MGAT4D: variants seen among roughly 807,000 people sequenced by gnomAD.
MGAT4D encodes the protein alpha-1,3-mannosyl-glycoprotein 4-beta-N-acetylglucosaminyltransferase-like protein MGAT4D.
Under a neutral mutation model 15.9 loss-of-function variants are expected in MGAT4D, and 34 were observed. The observed-to-expected ratio is 2.14, with a 90% CI of 1.62 to 2.84. MGAT4D has a LOEUF of 2.84. Among genes scored for constraint, MGAT4D ranks in the 30% most tolerant of loss-of-function variants. The probability of loss-of-function intolerance (pLI) is 0.00; values close to 1 mark genes in which losing one functional copy is unlikely to be tolerated. For missense variants in MGAT4D, 327 were observed against 140.2 expected, an observed-to-expected ratio of 2.33 and a Z score of -6.73; for synonymous variants, 112 against 48.2, an observed-to-expected ratio of 2.33 and a Z score of -5.49.
At chr4:140,491,525 G>A (rs1014445646) in intron 1 of MGAT4D, among the ~76,000 whole-genome samples, 21 of 152,042 alleles carry the variant, frequency 1.4e-4, no homozygotes, top group African/African-American at 5.1e-4. Context: ...GGGAACATAT[G>A]AAGTAGCCTG....
At chr4:140,471,741 T>C in intron 5 of MGAT4D, 34 bp downstream of exon 5, 1 of 415,158 alleles carries the variant, frequency 2.4e-6, no homozygotes, top group Non-Finnish European at 4.4e-6. Context: ...AATGAAAGAA[T>C]GGCTAATGTA....
At chr4:140,486,475 T>C (rs1422132441) in intron 1 of MGAT4D, among the ~76,000 whole-genome samples, 2 of 152,180 alleles carry the variant, frequency 1.3e-5, no homozygotes, top group African/African-American at 4.8e-5. Flanking sequence ...TTTCTCCTAA[T>C]GCTATCCCTC....
At chr4:140,446,173 C>T (rs1730109187) in intron 10 of MGAT4D, among the ~76,000 whole-genome samples, 1 of 152,104 alleles carries the variant, frequency 6.6e-6, no homozygotes, top group Non-Finnish European at 1.5e-5. Context: ...CAGGATGATG[C>T]TAGCCTCACA....
chr4:140,490,263 T>C (rs1284477742), intron 1 of MGAT4D, among the ~76,000 whole-genome samples: 1 of 152,220 alleles, frequency 6.6e-6, no homozygotes, highest in Non-Finnish European at 1.5e-5. Context: ...ACCTACTTTG[T>C]TGAAAGGTGT....
intron 7 of MGAT4D, among the ~76,000 whole-genome samples, chr4:140,460,806 A>G (rs1578657383): frequency 1.3e-5 from 2 of 152,224 alleles, no homozygotes; most frequent in African/African-American, 4.8e-5. Context: ...CAAAAACAAA[A>G]CAAAACAAAC....
At chr4:140,478,229 C>A (rs1578694508) in intron 3 of MGAT4D, among the ~76,000 whole-genome samples, 1 of 152,060 alleles carries the variant, frequency 6.6e-6, no homozygotes, top group Admixed American at 6.6e-5. Context: ...TTATCTCAAC[C>A]CTCCAACCCC....
chr4:140,468,862 A>T (rs1560780885), intron 5 of MGAT4D, among the ~76,000 whole-genome samples: 2 of 152,130 alleles, frequency 1.3e-5, no homozygotes, highest in Admixed American at 6.5e-5. Flanking sequence ...AGAAATCTTT[A>T]AAAAAGGATT....
At chr4:140,469,751 TG>T (rs1317566607) in intron 5 of MGAT4D, among the ~76,000 whole-genome samples, 1 of 152,198 alleles carries the variant, frequency 6.6e-6, no homozygotes, top group African/African-American at 2.4e-5. Context: ...CAGGGTTTTT[TG>T]TTTTGTTGTT....
intron 3 of MGAT4D, among the ~76,000 whole-genome samples, chr4:140,478,958 T>A (rs745974912): frequency 6.6e-5 from 10 of 151,956 alleles, no homozygotes; most frequent in Non-Finnish European, 1.2e-4. Context: ...TGGCCTAGAG[T>A]GACTCACTCA....
intron 1 of MGAT4D, among the ~76,000 whole-genome samples, chr4:140,490,488 C>T (rs1187521307): frequency 4.6e-5 from 7 of 152,162 alleles, no homozygotes; most frequent in Admixed American, 4.6e-4. Flanking sequence ...AAATTTGCCT[C>T]AACATACCTT....
chr4:140,445,276 T>C (rs1730045777), intron 10 of MGAT4D, among the ~76,000 whole-genome samples: 1 of 152,186 alleles, frequency 6.6e-6, no homozygotes, highest in African/African-American at 2.4e-5. Flanking sequence ...CTCTAATGCT[T>C]AGTGATACTG....
At chr4:140,478,141 T>C (rs1321060599) in intron 3 of MGAT4D, among the ~76,000 whole-genome samples, 3 of 152,162 alleles carry the variant, frequency 2.0e-5, no homozygotes, top group East Asian at 1.9e-4. Flanking sequence ...GATAAATACG[T>C]ACACCATGAT....
At chr4:140,476,819 TC>T (rs1210514787) in intron 3 of MGAT4D, among the ~76,000 whole-genome samples, 1 of 152,196 alleles carries the variant, frequency 6.6e-6, no homozygotes, top group Non-Finnish European at 1.5e-5. Context: ...TGATGCTTAA[TC>T]CTTTCACCAG....
At chr4:140,469,241 A>G (rs1731750935) in intron 5 of MGAT4D, among the ~76,000 whole-genome samples, 2 of 152,162 alleles carry the variant, frequency 1.3e-5, no homozygotes, top group African/African-American at 4.8e-5. Flanking sequence ...TTCAATAAGC[A>G]TTTATTTTCT....
intron 3 of MGAT4D, 37 bp from the exon 4 acceptor site, chr4:140,474,983 C>T (rs1272331122): frequency 1.8e-6 from 1 of 569,390 alleles, no homozygotes; most frequent in Non-Finnish European, 3.1e-6. Flanking sequence ...CATTCCATAC[C>T]ACAGAGAAAA....
At chr4:140,478,045 A>G (rs1255215609) in intron 3 of MGAT4D, among the ~76,000 whole-genome samples, 1 of 152,206 alleles carries the variant, frequency 6.6e-6, no homozygotes, top group Admixed American at 6.5e-5. Context: ...TTCATGTGTT[A>G]GGATTTTTTT....
At chr4:140,453,915 T>G (rs1043649019) in intron 9 of MGAT4D, among the ~76,000 whole-genome samples, 1 of 152,158 alleles carries the variant, frequency 6.6e-6, no homozygotes, top group African/African-American at 2.4e-5. Context: ...GGTTTTCAAC[T>G]TTTCATTGCT....
chr4:140,473,013 A>G (rs1732070976), intron 4 of MGAT4D, among the ~76,000 whole-genome samples: 4 of 152,174 alleles, frequency 2.6e-5, no homozygotes, highest in Admixed American at 2.6e-4. Flanking sequence ...AGAAAAGATA[A>G]TAAAGGTTCT....
chr4:140,479,809 A>T (rs1293690535), intron 2 of MGAT4D, among the ~76,000 whole-genome samples, 182 bp from the exon 3 acceptor site: 3 of 152,088 alleles, frequency 2.0e-5, no homozygotes, highest in African/African-American at 7.2e-5. Flanking sequence ...ACTATTATTT[A>T]TTCATATTTA....
Sources: allele counts gnomAD v4.1 joint callset (sites outside exome capture counted in the v4.1 genomes callset), GRCh38; gene constraint gnomAD v4.1.1; transcripts MANE v1.5; gene names NCBI Gene and HGNC (gene_info 2026-07-23, HGNC 2026-07-21).